PRKN: variants seen among roughly 807,000 people sequenced by gnomAD.
The protein encoded by PRKN is parkin RBR E3 ubiquitin protein ligase.
Under a neutral mutation model 59.5 loss-of-function variants are expected in PRKN, and 56 were observed. The observed-to-expected ratio is 0.94, with a 90% CI of 0.76 to 1.18. PRKN has a LOEUF of 1.18. Among genes scored for constraint, PRKN ranks in the 50% most tolerant of loss-of-function variants. The probability of loss-of-function intolerance (pLI) is 0.00; values close to 1 mark genes in which losing one functional copy is unlikely to be tolerated. For synonymous variants in PRKN, 250 were observed against 222.1 expected (o/e 1.13, Z -1.12); for missense variants, 657 against 596.4 (o/e 1.10, Z -1.06).
At chr6:161,910,589 A>C (rs755477197) in intron 6 of PRKN, among the ~76,000 whole-genome samples, 1 of 152,126 alleles carries the variant, frequency 6.6e-6, no homozygotes, top group Non-Finnish European at 1.5e-5. Context: ...GTTAGTTGAT[A>C]AAGCAGTGGC....
At chr6:161,516,380 T>C (rs902804350) in intron 9 of PRKN, among the ~76,000 whole-genome samples, 2 of 144,896 alleles carry the variant, frequency 1.4e-5, no homozygotes, top group East Asian at 2.0e-4. Flanking sequence ...GGTAGGAGAA[T>C]TGATTGAACC....
intron 2 of PRKN, among the ~76,000 whole-genome samples, chr6:162,280,361 C>T (rs971454903): frequency 2.6e-5 from 4 of 152,226 alleles, no homozygotes; most frequent in African/African-American, 7.2e-5. Context: ...GTACCAGAAT[C>T]ACTGGGACAC....
chr6:161,932,802 A>T (rs1779214993), intron 6 of PRKN, among the ~76,000 whole-genome samples: 1 of 152,202 alleles, frequency 6.6e-6, no homozygotes. Flanking sequence ...AGAGTGAGAG[A>T]AAAAGAAAAA....
intron 2 of PRKN, among the ~76,000 whole-genome samples, chr6:162,343,890 T>C (rs2128128995): frequency 6.6e-6 from 1 of 152,280 alleles, no homozygotes; most frequent in Non-Finnish European, 1.5e-5. Context: ...ATGAAATACT[T>C]TTGTAGAGAT....
At chr6:162,223,526 G>C (rs1374070471) in intron 3 of PRKN, among the ~76,000 whole-genome samples, 3 of 151,498 alleles carry the variant, frequency 2.0e-5, no homozygotes, top group Middle Eastern at 3.4e-3. Flanking sequence ...CTACAGGCTG[G>C]TATTTGACTA....
chr6:161,777,968 G>C (rs1455648307), intron 7 of PRKN, among the ~76,000 whole-genome samples: 1 of 149,498 alleles, frequency 6.7e-6, no homozygotes, highest in Non-Finnish European at 1.5e-5. Flanking sequence ...TTATTATTAT[G>C]GTCTTATAAC....
intron 4 of PRKN, among the ~76,000 whole-genome samples, chr6:162,149,986 T>A (rs984105813): frequency 5.9e-5 from 9 of 152,204 alleles, no homozygotes; most frequent in Non-Finnish European, 4.4e-5. Context: ...TCCTGCATTT[T>A]GTCACAGGCC....
At chr6:162,339,370 C>A (rs1179810018) in intron 2 of PRKN, among the ~76,000 whole-genome samples, 1 of 146,904 alleles carries the variant, frequency 6.8e-6, no homozygotes, top group African/African-American at 2.5e-5. Flanking sequence ...GGCCAGCCGC[C>A]CCGTCCGGGA....
chr6:162,018,340 G>C (rs2128274032), intron 5 of PRKN, among the ~76,000 whole-genome samples: 1 of 152,196 alleles, frequency 6.6e-6, no homozygotes, highest in South Asian at 2.1e-4. Flanking sequence ...ATAACTTTTA[G>C]ACAGACAAAG....
At chr6:161,514,345 G>A (rs986891552) in intron 9 of PRKN, among the ~76,000 whole-genome samples, 2 of 152,036 alleles carry the variant, frequency 1.3e-5, no homozygotes, top group South Asian at 2.1e-4. Context: ...GAAACAAACC[G>A]GGTCTGAGCT....
intron 6 of PRKN, among the ~76,000 whole-genome samples, chr6:161,839,686 T>C (rs1792903874): frequency 6.6e-6 from 1 of 152,158 alleles, no homozygotes; most frequent in East Asian, 1.9e-4. Flanking sequence ...AGAAATTAAT[T>C]TGAACAATTT....
chr6:162,664,250 T>G (rs557929410), intron 1 of PRKN, among the ~76,000 whole-genome samples: 2 of 152,314 alleles, frequency 1.3e-5, no homozygotes, highest in Admixed American at 1.3e-4. Context: ...TGCATAGTAT[T>G]CCATGGTGTA....
chr6:162,180,239 T>C (rs1375663030), intron 4 of PRKN, among the ~76,000 whole-genome samples: 2 of 152,150 alleles, frequency 1.3e-5, no homozygotes, highest in African/African-American at 4.8e-5. Flanking sequence ...GGTTGAAAGC[T>C]ACCAGAGACT....
chr6:162,598,870 A>AAAAAAAAT (rs1781590051), intron 1 of PRKN, among the ~76,000 whole-genome samples: 1 of 150,660 alleles, frequency 6.6e-6, no homozygotes, highest in Non-Finnish European at 1.5e-5. Context: ...AAAAAAAAAA[A>AAAAAAAAT]GCAATTGCAG....
chr6:162,386,654 CCTGT>C (rs1562722029), intron 2 of PRKN, among the ~76,000 whole-genome samples: 5 of 152,196 alleles, frequency 3.3e-5, no homozygotes, highest in African/African-American at 1.2e-4. Flanking sequence ...TCCGCCCCAG[CCTGT>C]CTGTGAAATA....
chr6:162,126,903 GT>G, intron 4 of PRKN, among the ~76,000 whole-genome samples: 1 of 152,164 alleles, frequency 6.6e-6, no homozygotes, highest in East Asian at 1.9e-4. Flanking sequence ...ACTTTCCCAT[GT>G]TCTCTCACTG....
chr6:162,233,345 C>T (rs1390059846), intron 3 of PRKN, among the ~76,000 whole-genome samples: 2 of 152,090 alleles, frequency 1.3e-5, no homozygotes, highest in African/African-American at 4.8e-5. Flanking sequence ...ACTGAAAATA[C>T]ACCAAGATAA....
At position 162,461,104 on chromosome 6, in the gene PRKN, C is replaced by A. The variant is rs371020267; in HGVS notation, c.8-17631G>T. 2.6e-5 allele frequency among the ~76,000 whole-genome samples: 4 copies of A among 151,892 alleles called. No homozygotes were observed. The South Asian group carries it at 6.2e-4, about 24-fold the overall frequency. On this transcript the variant is annotated intron_variant, in intron 1 of 11. Transcript: ENST00000366898. ...GATATTACAAAAATGAATAACACAG[C>A]CTGGTGACAGAGATATTACAACAGA...
intron 4 of PRKN, among the ~76,000 whole-genome samples, chr6:162,143,256 T>C (rs564023221): frequency 6.6e-6 from 1 of 152,366 alleles, no homozygotes; most frequent in Non-Finnish European, 1.5e-5. Context: ...TAATGAAATG[T>C]TGGCAGAAGG....
Sources: allele counts gnomAD v4.1 joint callset (sites outside exome capture counted in the v4.1 genomes callset), GRCh38; gene constraint gnomAD v4.1.1; transcripts MANE v1.5; gene names NCBI Gene and HGNC (gene_info 2026-07-23, HGNC 2026-07-21).